The following HDX variants were observed in gnomAD, a reference collection of about 807,000 sequenced individuals.
HDX encodes the protein chromosome X open reading frame 43.
A neutral mutation model predicts 45.2 loss-of-function variants in HDX; 19 were observed. That is an observed-to-expected ratio of 0.42 (90% CI 0.29 to 0.62). The LOEUF (loss-of-function observed/expected upper bound fraction) is 0.62. HDX is among the 20% of genes least tolerant of loss of function. The pLI is 0.20. For missense variants in HDX, 532 were observed against 493.9 expected (o/e 1.08, Z -0.73); for synonymous variants, 188 against 172.8 (o/e 1.09, Z -0.69).
At chrX:84,494,485 T>A (rs150593146) in intron 1 of HDX, among the ~76,000 whole-genome samples, 1,156 of 112,120 alleles carry the variant, frequency 0.01, 23 homozygotes, top group African/African-American at 0.036. Flanking sequence ...TATTTAATTA[T>A]CTTACAACTC....
chrX:84,415,749 T>C (rs1460500313), intron 5 of HDX, among the ~76,000 whole-genome samples: 1 of 112,594 alleles, frequency 8.9e-6, no homozygotes, highest in Non-Finnish European at 1.9e-5. Context: ...CACTTACTGA[T>C]ACAGACTGTC....
At chrX:84,395,199 G>T (rs920627565) in intron 5 of HDX, among the ~76,000 whole-genome samples, 4 of 110,425 alleles carry the variant, frequency 3.6e-5, no homozygotes, top group African/African-American at 1.3e-4. Flanking sequence ...CATGATGATT[G>T]ATATCATTCT....
chrX:84,360,687 G>C (rs2037601354), intron 6 of HDX, among the ~76,000 whole-genome samples: 1 of 110,965 alleles, frequency 9.0e-6, no homozygotes, highest in Non-Finnish European at 1.9e-5. Flanking sequence ...TTTTGCAATG[G>C]GTTTCTTTCA....
In HDX at chrX:84,336,878, C is replaced by T. The variant is rs142863127; in HGVS notation, c.1663G>A (p.Glu555Lys). The T allele has an allele frequency of 2.6e-6, 3 of 1,154,903 alleles. No homozygotes were observed. The African/African-American group carries it at 5.4e-5, about 21-fold the overall frequency. Residue 555 changes from glutamate to lysine, a missense_variant and splice_region_variant, in exon 8 of 11, where the codon GAG (glutamate) becomes AAG (lysine). Glu to Lys is a moderately conservative substitution (Grantham distance 56, BLOSUM62 1). Around this residue, in one of 3 missense-constraint regions of HDX, gnomAD observed 151 missense variants for 131.8 expected, o/e 1.15. Transcript: ENST00000373177. ...ICLSEGSSQE[E>K]PNEVVPNDAR... The stretch of plus-strand genomic sequence containing the variant: ...TCATTCGGAACAACTTCATTGGGCT[C>T]TTCTACAGAAAAAAATGCCATAATT...
At chrX:84,361,739 T>C (rs2037627683) in intron 5 of HDX, 127 bp from the exon 6 acceptor site, 3 of 418,121 alleles carry the variant, frequency 7.2e-6, no homozygotes, top group Non-Finnish European at 1.2e-5. Flanking sequence ...TCACAATTCT[T>C]ATTCAGTCCT....
chrX:84,413,537 G>A (rs1246698946), intron 5 of HDX, among the ~76,000 whole-genome samples: 1 of 111,337 alleles, frequency 9.0e-6, no homozygotes, highest in Admixed American at 9.6e-5. Flanking sequence ...ATGTGTTCCT[G>A]GTCTGCTGGC....
At chrX:84,382,427 A>G (rs936519342) in intron 5 of HDX, among the ~76,000 whole-genome samples, 3 of 112,083 alleles carry the variant, frequency 2.7e-5, no homozygotes, top group African/African-American at 6.5e-5. Flanking sequence ...ACAATAGCCA[A>G]AATTTGGAAG....
At chrX:84,347,042 A>G (rs754372276) in intron 6 of HDX, among the ~76,000 whole-genome samples, 3 of 111,142 alleles carry the variant, frequency 2.7e-5, no homozygotes, top group Admixed American at 9.5e-5. Flanking sequence ...CTTCATGCAG[A>G]CCTTGTGCCT....
At chrX:84,331,908 T>C (rs1402113384) in intron 9 of HDX, among the ~76,000 whole-genome samples, 2 of 111,584 alleles carry the variant, frequency 1.8e-5, no homozygotes, top group Non-Finnish European at 3.8e-5. Context: ...CTCTATGATG[T>C]TTTGCACAAT....
chrX:84,358,518 A>G lies in HDX; in HGVS notation c.1452+2948T>C, dbSNP rs967972927. Among the ~76,000 whole-genome samples, 4 of 111,454 alleles carry G rather than the reference A, an allele frequency of 3.6e-5. No individual in the cohort carries two copies. In the Admixed American group the frequency reaches 3.8e-4, roughly 11 times the overall value. The stretch of plus-strand genomic sequence containing the variant: ...CTTGCTAGACTCTGAGCTCCTTAAA[A>G]TAGAAATAATGTCTAATGCACTTCT... On this transcript the variant is annotated intron_variant, in intron 6 of 10. Coordinates refer to ENST00000373177, the MANE Select transcript of HDX (RefSeq NM_001177479.2).
intron 5 of HDX, among the ~76,000 whole-genome samples, chrX:84,387,432 G>T (rs56997878): frequency 0.11 from 11,982 of 110,983 alleles, 627 homozygotes; most frequent in East Asian, 0.26. Flanking sequence ...TGTTGAAACC[G>T]CCTAGTATTA....
intron 5 of HDX, among the ~76,000 whole-genome samples, chrX:84,417,218 GAGAAAGAA>G (rs1556012085): frequency 7.7e-4 from 77 of 100,293 alleles, no homozygotes; most frequent in Non-Finnish European, 9.3e-4. Flanking sequence ...AAAAAAAAGA[GAGAAAGAA>G]AGAAAGAAAG....
intron 4 of HDX, among the ~76,000 whole-genome samples, chrX:84,446,560 C>T (rs927754436): frequency 9.0e-6 from 1 of 110,689 alleles, no homozygotes. Flanking sequence ...CTGTTTGTTG[C>T]ATTAACACTG....
intron 1 of HDX, among the ~76,000 whole-genome samples, chrX:84,498,017 G>A (rs900297569): frequency 9.0e-6 from 1 of 111,436 alleles, no homozygotes; most frequent in Non-Finnish European, 1.9e-5. Context: ...AACTCCAAGG[G>A]AAAAGAAGCT....
rs1365979582 is a variant in HDX, at chrX:84,468,712, G to A, written c.1011C>T (p.Asn337=). 1 of 1,211,331 alleles carries A rather than the reference G, an allele frequency of 8.3e-7. No homozygotes were observed. The highest frequency in any genetic ancestry group is 1.1e-6 in the Non-Finnish European group (1 of 895,351). The stretch of plus-strand genomic sequence containing the variant: ...CTGGTCCGGGCAAGGTTGTACTTTG[G>A]TTCTCAGCTCGAAGGGAACTGCCAC... ...YESGSSLRAE[N]QSTTLPGPGR... is the part of the protein sequence containing the mutation. Residue 337 remains asparagine (N), a synonymous_variant, in exon 4 of 11, where the codon AAC becomes AAT. Coordinates refer to ENST00000373177, the MANE Select transcript of HDX (RefSeq NM_001177479.2).
chrX:84,347,808 T>G (rs1238408703), intron 6 of HDX, among the ~76,000 whole-genome samples: 3 of 111,833 alleles, frequency 2.7e-5, no homozygotes, highest in Non-Finnish European at 5.7e-5. Context: ...AAAAGTCAGA[T>G]TTAATTCTTA....
Position 84,469,148 on chromosome X carries a change from T to C in HDX, c.575A>G (p.His192Arg). The C allele has an allele frequency of 1.7e-6, 2 of 1,209,867 alleles. No individual in the cohort carries two copies. The highest frequency in any genetic ancestry group is 3.5e-5 in the South Asian group (2 of 56,724). The change falls in exon 4 of 11, where the codon CAC becomes CGC. Residue 192 changes from histidine to arginine, a missense_variant. Physicochemically the swap from His to Arg is conservative, Grantham distance 29. Coordinates refer to ENST00000373177, the MANE Select transcript of HDX (RefSeq NM_001177479.2). ...AGAGTTTCCATAGTTTTTCTTTGCG[T>C]GATTGAATACTGAGTTTCCAGCATT... ...VLNAGNSVFN[H>R]AKKNYGNSSV...
chrX:84,442,284 A>G (rs1389955204), intron 4 of HDX, among the ~76,000 whole-genome samples: 7 of 111,229 alleles, frequency 6.3e-5, no homozygotes, highest in Non-Finnish European at 1.3e-4. Context: ...TATTATGCCT[A>G]TTGACAAGGA....
At chrX:84,353,050 T>C (rs1007428176) in intron 6 of HDX, among the ~76,000 whole-genome samples, 2 of 112,120 alleles carry the variant, frequency 1.8e-5, no homozygotes, top group Admixed American at 9.5e-5. Flanking sequence ...TGAGTGATTA[T>C]AAAATGTACA....
Sources: gnomAD v4.1 joint callset for allele counts (sites outside exome capture counted in the v4.1 genomes callset) on GRCh38, gnomAD v4.1.1 for gene constraint, gnomAD v4.1.1 regional missense constraint, MANE v1.5 for transcripts, NCBI Gene and HGNC (gene_info 2026-07-23, HGNC 2026-07-21) for gene names.